The following GNA13 variants were observed in gnomAD, a reference collection of about 807,000 sequenced individuals.
GNA13 encodes the protein G protein subunit alpha 13.
In GNA13, 4 loss-of-function variants were observed where a neutral mutation model predicts 33.5. The observed-to-expected ratio is 0.12, with a 90% CI of 0.06 to 0.27. The LOEUF is 0.27. Among genes scored for constraint, GNA13 ranks in the 10% least tolerant of loss-of-function variants. The pLI is 1.00. For missense variants in GNA13, 319 were observed against 487.2 expected, an observed-to-expected ratio of 0.65 and a Z score of 3.25; for synonymous variants, 176 against 183.8, an observed-to-expected ratio of 0.96 and a Z score of 0.34.
intron 2 of GNA13, among the ~76,000 whole-genome samples, chr17:65,049,454 A>G (rs942582697): frequency 1.3e-5 from 2 of 152,204 alleles, no homozygotes; most frequent in Non-Finnish European, 2.9e-5. Flanking sequence ...AAACGAGGAA[A>G]TAAAAGTGTC....
chr17:65,040,006 A>C (rs928147348), intron 2 of GNA13, among the ~76,000 whole-genome samples: 2 of 152,244 alleles, frequency 1.3e-5, no homozygotes, highest in Non-Finnish European at 2.9e-5. Flanking sequence ...AGAATAAAAT[A>C]TAATTACATA....
intron 2 of GNA13, among the ~76,000 whole-genome samples, chr17:65,030,368 G>T (rs1906957620): frequency 6.6e-6 from 1 of 152,220 alleles, no homozygotes; most frequent in Non-Finnish European, 1.5e-5. Context: ...AGATCATGCA[G>T]AATTTGAAAG....
Position 65,011,948 on chromosome 17 carries a change from G to C in GNA13, c.*2309C>G, listed in dbSNP as rs986064556. ...AAAAAAATGTGGACTGAAGCCTTTA[G>C]ATTGAACTTAAAGTTCTACTGAATG... On this transcript the variant is annotated 3_prime_UTR_variant, in exon 4 of 4. Transcript: ENST00000439174. The C allele has an allele frequency of 1.8e-5, 4 of 225,802 alleles. No homozygotes were observed. Among genetic ancestry groups the C allele is most frequent in the Non-Finnish European group, 3.5e-5 (4 of 113,546 alleles). 14.0% of individuals were successfully genotyped at this position (225,802 alleles called of 1,614,324 possible). A position where few individuals can be genotyped will look rare whatever the true frequency, so the allele number is the denominator to read the frequency against.
chr17:65,043,135 G>C (rs780913635), intron 2 of GNA13, among the ~76,000 whole-genome samples: 1 of 152,114 alleles, frequency 6.6e-6, no homozygotes, highest in Non-Finnish European at 1.5e-5. Flanking sequence ...CTCACACAGC[G>C]AGTGGCAGCC....
At chr17:65,037,783 A>AAAAAAAAAAAAAAAC in intron 2 of GNA13, among the ~76,000 whole-genome samples, 1 of 148,294 alleles carries the variant, frequency 6.7e-6, no homozygotes, top group African/African-American at 2.5e-5. Context: ...AAATGGAAAA[A>AAAAAAAAAAAAAAAC]AAAAAAAAAA....
chr17:65,032,468 A>C (rs1475336544), intron 2 of GNA13, among the ~76,000 whole-genome samples: 1 of 152,190 alleles, frequency 6.6e-6, no homozygotes, highest in Non-Finnish European at 1.5e-5. Flanking sequence ...TTTGAAAATG[A>C]TTTTAAAGTT....
At chr17:65,016,225 T>C (rs1050836445) in intron 3 of GNA13, among the ~76,000 whole-genome samples, 1 of 152,218 alleles carries the variant, frequency 6.6e-6, no homozygotes, top group Admixed American at 6.5e-5. Context: ...ATTTTAAAAA[T>C]CAAGGCAGGA....
intron 2 of GNA13, among the ~76,000 whole-genome samples, chr17:65,030,677 A>G (rs1185929997): frequency 6.6e-6 from 1 of 152,252 alleles, no homozygotes; most frequent in Non-Finnish European, 1.5e-5. Context: ...ACTTTGAAAA[A>G]AACAAGCCAA....
chr17:65,012,616 A>T lies in GNA13; in HGVS notation c.*1641T>A, dbSNP rs769944018. The T allele has an allele frequency of 1.8e-4, 42 of 228,764 alleles. No homozygotes were observed. The highest frequency in any genetic ancestry group is 2.7e-4 in the Non-Finnish European group (31 of 115,232). The allele number at this position is 228,764 out of a possible 1,614,324, so 14.2% of individuals were successfully genotyped here. A position where few individuals can be genotyped will look rare whatever the true frequency, so the allele number is the denominator to read the frequency against. ...AATGTGAGAAAAGTCAGGTATGTCA[A>T]GAACAATCCCTGGTTAGTTCACTGA... On this transcript the variant is annotated 3_prime_UTR_variant, in exon 4 of 4. Coordinates refer to ENST00000439174, the MANE Select transcript of GNA13 (RefSeq NM_006572.6).
intron 3 of GNA13, among the ~76,000 whole-genome samples, chr17:65,016,789 C>T (rs919677471): frequency 6.6e-6 from 1 of 152,214 alleles, no homozygotes; most frequent in African/African-American, 2.4e-5. Flanking sequence ...CAGATACACG[C>T]CTGCTTTATT....
At chr17:65,040,019 C>T (rs1598493943) in intron 2 of GNA13, among the ~76,000 whole-genome samples, 1 of 152,052 alleles carries the variant, frequency 6.6e-6, no homozygotes, top group East Asian at 1.9e-4. Context: ...ATTACATATA[C>T]AAATATCACA....
chr17:65,038,989 C>A (rs573431058), intron 2 of GNA13, among the ~76,000 whole-genome samples: 2 of 152,262 alleles, frequency 1.3e-5, no homozygotes, highest in African/African-American at 4.8e-5. Flanking sequence ...GTAAAAAAAT[C>A]GTTAAGTCAA....
At chr17:65,031,919 AGAGTGTGTGTGTGTGTGT>A (rs1476826488) in intron 2 of GNA13, among the ~76,000 whole-genome samples, 4,737 of 125,330 alleles carry the variant, frequency 0.038, 231 homozygotes, top group African/African-American at 0.14. Flanking sequence ...AGAGAGAGAG[AGAGTGTGTGTGTGTGTGT>A]GTGTGTGTGT....
intron 2 of GNA13, among the ~76,000 whole-genome samples, chr17:65,028,094 C>T (rs772759416): frequency 5.9e-5 from 9 of 152,152 alleles, no homozygotes; most frequent in Non-Finnish European, 1.3e-4. Context: ...GGCGCGGTGG[C>T]GGGTGCCTGT....
chr17:65,019,265 T>A (rs1235918840), intron 2 of GNA13, among the ~76,000 whole-genome samples: 1 of 152,128 alleles, frequency 6.6e-6, no homozygotes, highest in Non-Finnish European at 1.5e-5. Flanking sequence ...GTTCTATAAT[T>A]TTTTGGTCTC....
chr17:65,014,573 T>C lies in GNA13; in HGVS notation c.818A>G (p.Glu273Gly), dbSNP rs754269916. The change falls in exon 4 of 4, where the codon GAA (glutamate) becomes GGA (glycine). Residue 273 changes from glutamate (E) to glycine (G), a missense_variant. Glu to Gly is a moderately conservative substitution (Grantham distance 98). Transcript: ENST00000439174. The surrounding 1 kb of genome is among the most constrained non-coding windows in gnomAD (Gnocchi z 5.3). The stretch of plus-strand genomic sequence containing the variant: ...GAAAACCCGGTTATTGACGATTGTT[T>C]CAAAAATGTTCAGAGACTCTGTAAG... ...NRLTESLNIF[E>G]TIVNNRVFSN... 1.9e-6 allele frequency: 3 copies of C among 1,614,168 alleles called. No homozygotes were observed. Among genetic ancestry groups the C allele is most frequent in the Non-Finnish European group, 1.7e-6 (2 of 1,179,996 alleles).
intron 2 of GNA13, among the ~76,000 whole-genome samples, chr17:65,042,738 A>T (rs1442594210): frequency 6.6e-6 from 1 of 152,044 alleles, no homozygotes; most frequent in Non-Finnish European, 1.5e-5. Flanking sequence ...CTCCATCTCA[A>T]AAAAAAAGAA....
chr17:65,053,556 T>C lies in GNA13; in HGVS notation c.456A>G (p.Leu152=). 1.9e-6 allele frequency: 3 copies of C among 1,613,916 alleles called. No individual in the cohort carries two copies. The highest frequency in any genetic ancestry group is 2.5e-6 in the Non-Finnish European group (3 of 1,179,754). The change falls in exon 2 of 4, where the codon TTA becomes TTG. Residue 152 remains leucine (L), a synonymous_variant. Transcript: ENST00000439174. The part of the protein sequence containing the change: ...FLQYLPAIRA[L]WADSGIQNAY... ...CATTCTGTATGCCGCTGTCTGCCCA[T>C]AATGCTCTTATAGCAGGAAGATATT...
At chr17:65,035,601 C>A (rs1907214934) in intron 2 of GNA13, among the ~76,000 whole-genome samples, 2 of 152,098 alleles carry the variant, frequency 1.3e-5, no homozygotes, top group Admixed American at 6.5e-5. Context: ...CATGAACAGA[C>A]AAACCACTTT....
Sources: gnomAD v4.1 joint callset for allele counts (sites outside exome capture counted in the v4.1 genomes callset) on GRCh38, gnomAD v4.1.1 for gene constraint, Gnocchi (gnomAD v3.1) non-coding constraint, MANE v1.5 for transcripts, NCBI Gene and HGNC (gene_info 2026-07-23, HGNC 2026-07-21) for gene names.